PRIM2: variants seen among roughly 807,000 people sequenced by gnomAD.
The protein encoded by PRIM2 is DNA primase subunit 2, also known as DNA primase large subunit.
PRIM2 carries 39 observed loss-of-function variants against 67.3 expected under a neutral mutation model. The ratio of observed to expected loss-of-function variants is 0.58; its 90% CI spans 0.45 to 0.76. The LOEUF (loss-of-function observed/expected upper bound fraction) is 0.76. PRIM2 is among the 30% of genes least tolerant of loss of function. PRIM2 has a pLI of 0.00. For missense variants in PRIM2, 398 were observed against 598.7 expected (o/e 0.66, Z 3.50); for synonymous variants, 143 against 198.7 (o/e 0.72, Z 2.36).
intron 12 of PRIM2, among the ~76,000 whole-genome samples, chr6:57,606,826 G>A (rs1191159912): frequency 3.9e-5 from 6 of 152,294 alleles, no homozygotes; most frequent in African/African-American, 1.4e-4. Flanking sequence ...ATTTCATTTT[G>A]GGAAATTGTT....
intron 13 of PRIM2, among the ~76,000 whole-genome samples, chr6:57,636,622 G>A (rs1405449688): frequency 1.3e-5 from 2 of 152,202 alleles, no homozygotes; most frequent in African/African-American, 4.8e-5. Flanking sequence ...ATGAGTTAAG[G>A]ACAATTGCAG....
chr6:57,567,255 T>C (rs1775762477), intron 10 of PRIM2, among the ~76,000 whole-genome samples: 1 of 152,186 alleles, frequency 6.6e-6, no homozygotes, highest in East Asian at 1.9e-4. Context: ...TTTTTTGTGT[T>C]TGAATTTCTT....
At chr6:57,351,483 T>G (rs1296284018) in intron 5 of PRIM2, among the ~76,000 whole-genome samples, 1 of 152,134 alleles carries the variant, frequency 6.6e-6, no homozygotes, top group Non-Finnish European at 1.5e-5. Context: ...GGATGTGAAC[T>G]ATATTAGTAG....
intron 10 of PRIM2, among the ~76,000 whole-genome samples, chr6:57,582,287 A>C (rs1264732232): frequency 1 from 151,964 of 152,226 alleles, 75,855 homozygotes; most frequent in Middle Eastern, 1. Context: ...TCCTAAGGCT[A>C]CAGATCAAGT....
At chr6:57,410,940 A>G (rs1297771331) in intron 7 of PRIM2, among the ~76,000 whole-genome samples, 1 of 148,500 alleles carries the variant, frequency 6.7e-6, no homozygotes, top group Non-Finnish European at 1.5e-5. Flanking sequence ...TTTTTTGGTT[A>G]TCAATGTGAT....
intron 10 of PRIM2, among the ~76,000 whole-genome samples, chr6:57,568,670 A>G (rs1775796996): frequency 6.6e-6 from 1 of 152,252 alleles, no homozygotes; most frequent in African/African-American, 2.4e-5. Flanking sequence ...TTACAAAGAT[A>G]TTAAGGGAAT....
chr6:57,553,605 C>T (rs1194442713), intron 10 of PRIM2, among the ~76,000 whole-genome samples: 2 of 151,812 alleles, frequency 1.3e-5, no homozygotes, highest in Non-Finnish European at 2.9e-5. Context: ...GCCAACATTG[C>T]ATGCACTTTC....
chr6:57,642,685 C>T (rs1267299633), intron 13 of PRIM2, among the ~76,000 whole-genome samples: 105 of 152,186 alleles, frequency 6.9e-4, no homozygotes, highest in African/African-American at 2.4e-3. Context: ...TCGTGATCCG[C>T]CCGTCTCGGC....
rs1276733972 is a variant in PRIM2 at position 57,515,953 on chromosome 6, T to C, written c.761+8499T>C. 8.6e-3 allele frequency among the ~76,000 whole-genome samples: 1,313 copies of C among 152,016 alleles called. 17 individuals are homozygous for C. The highest frequency in any genetic ancestry group is 0.03 in the African/African-American group (1,249 of 41,442). ...TTTAAGTTGTTGGAGATCCTGTTTT[T>C]ATGCTGGCTGTCAGTTGAAGCCTGG... On this transcript the variant is annotated intron_variant, in intron 8 of 13. Transcript: ENST00000615550.
chr6:57,336,333 C>G (rs887149356), intron 5 of PRIM2, among the ~76,000 whole-genome samples: 1 of 151,400 alleles, frequency 6.6e-6, no homozygotes, highest in Non-Finnish European at 1.5e-5. Context: ...GGCAGGCCAA[C>G]ATTCAGATTC....
chr6:57,526,169 C>G (rs1159934675), intron 8 of PRIM2, among the ~76,000 whole-genome samples: 1 of 152,078 alleles, frequency 6.6e-6, no homozygotes, highest in Non-Finnish European at 1.5e-5. Flanking sequence ...CAGAAATACA[C>G]TATATCCTTT....
chr6:57,446,418 C>CTTTTTTTTTTTTCTTT (rs1772367478), intron 7 of PRIM2, among the ~76,000 whole-genome samples: 1 of 83,814 alleles, frequency 1.2e-5, no homozygotes, highest in Non-Finnish European at 2.3e-5. Context: ...CACGCCACTT[C>CTTTTTTTTTTTTCTTT]TTTTTTTTTT....
chr6:57,599,322 T>C (rs1776421630), intron 10 of PRIM2, among the ~76,000 whole-genome samples: 2 of 145,992 alleles, frequency 1.4e-5, no homozygotes, highest in Non-Finnish European at 3.0e-5. Context: ...CCACATTCTT[T>C]CCATAATACC....
intron 5 of PRIM2, among the ~76,000 whole-genome samples, chr6:57,341,340 T>C (rs796125684): frequency 6.6e-6 from 1 of 152,158 alleles, no homozygotes; most frequent in African/African-American, 2.4e-5. Context: ...AACCATAGAA[T>C]GTAAAGCTTG....
intron 7 of PRIM2, among the ~76,000 whole-genome samples, chr6:57,388,352 T>C (rs1172978655): frequency 6.6e-6 from 1 of 151,960 alleles, no homozygotes; most frequent in Non-Finnish European, 1.5e-5. Context: ...TTGAAATGGA[T>C]TGGTTGTGGT....
chr6:57,304,698 C>T, the PRIM2 span, among the ~76,000 whole-genome samples: 2 of 152,026 alleles, frequency 1.3e-5, no homozygotes, highest in Middle Eastern at 3.2e-3. Flanking sequence ...GGGGCTGTTC[C>T]CTGGGGCATT....
At chr6:57,247,151 C>T in the PRIM2 span, among the ~76,000 whole-genome samples, 2 of 152,184 alleles carry the variant, frequency 1.3e-5, no homozygotes, top group Non-Finnish European at 2.9e-5. Flanking sequence ...ACACCGCGCC[C>T]GGCCTGGACT....
chr6:57,262,079 T>G, the PRIM2 span, among the ~76,000 whole-genome samples: 1 of 152,190 alleles, frequency 6.6e-6, no homozygotes, highest in Admixed American at 6.5e-5. Context: ...TGTCATATTT[T>G]CCCCACTGTT....
intron 7 of PRIM2, among the ~76,000 whole-genome samples, chr6:57,385,616 T>G (rs1040276545): frequency 2.6e-5 from 4 of 152,252 alleles, no homozygotes; most frequent in Non-Finnish European, 5.9e-5. Flanking sequence ...ACAGGCAATT[T>G]TAATTCACAT....
Sources: gnomAD v4.1 joint callset for allele counts (sites outside exome capture counted in the v4.1 genomes callset) on GRCh38, gnomAD v4.1.1 for gene constraint, MANE v1.5 for transcripts, NCBI Gene and HGNC (gene_info 2026-07-23, HGNC 2026-07-21) for gene names.